The following GART variants were observed in gnomAD, a reference collection of about 807,000 sequenced individuals.
GART encodes the protein phosphoribosylglycinamide formyltransferase, phosphoribosylglycinamide synthetase, phosphoribosylaminoimidazole synthetase, also known as trifunctional purine biosynthetic protein adenosine-3.
Under a neutral mutation model 107.2 loss-of-function variants are expected in GART, and 43 were observed. That is an observed-to-expected ratio of 0.40 (90% confidence interval 0.31 to 0.52). The LOEUF is 0.52. Ranked by LOEUF, GART falls within the 20% of genes least tolerant of loss-of-function variation. The pLI is 0.52. For missense variants in GART, 1,107 were observed against 1,206.5 expected (o/e 0.92, Z 1.22); for synonymous variants, 434 against 427.0 (o/e 1.02, Z -0.20).
intron 16 of GART, among the ~76,000 whole-genome samples, chr21:33,514,724 C>T (rs1170532118): frequency 2.0e-5 from 3 of 152,202 alleles, no homozygotes; most frequent in Non-Finnish European, 2.9e-5. Flanking sequence ...TCTTGAACCA[C>T]TAGTTTCACC....
At chr21:33,527,929 A>AT (rs1242969068) in intron 10 of GART, among the ~76,000 whole-genome samples, 1 of 152,122 alleles carries the variant, frequency 6.6e-6, no homozygotes, top group Non-Finnish European at 1.5e-5. Context: ...CACTCGGGAG[A>AT]TGTGGTTCTG....
At chr21:33,538,587 A>T (rs1296258283) in intron 2 of GART, among the ~76,000 whole-genome samples, 1 of 152,248 alleles carries the variant, frequency 6.6e-6, no homozygotes, top group Non-Finnish European at 1.5e-5. Flanking sequence ...ATACACAACA[A>T]AATGCCTTTA....
chr21:33,512,303 A>G (rs2084799327), intron 16 of GART, among the ~76,000 whole-genome samples: 1 of 151,054 alleles, frequency 6.6e-6, no homozygotes, highest in Non-Finnish European at 1.5e-5. Context: ...AAAAAAAAAA[A>G]AAAAAAAAGA....
chr21:33,542,030 C>A (rs2033940844), intron 1 of GART, 35 bp downstream of exon 1: 1 of 152,248 alleles, frequency 6.6e-6, no homozygotes, highest in South Asian at 2.1e-4. Context: ...AAAGCCTAAG[C>A]GCGCTCCGTG....
Position 33,528,508 on chromosome 21 carries a change from T to G in GART, c.897+11A>C. Reference sequence around the variant, plus strand: ...TCTTCTACCAAGTAATACTTTGATATTTTTACCCACTTGGCACTCTGGATC... The same window carrying G: ...TCTTCTACCAAGTAATACTTTGATAGTTTTACCCACTTGGCACTCTGGATC... On this transcript the variant is annotated intron_variant, in intron 9 of 21. Transcript: ENST00000381815. The G allele has an allele frequency of 6.3e-7, 1 of 1,591,226 alleles. No individual in the cohort carries two copies. Among genetic ancestry groups the G allele is most frequent in the Non-Finnish European group, 8.5e-7 (1 of 1,169,828 alleles).
intron 3 of GART, 49 bp from the exon 4 acceptor site, chr21:33,534,802 C>G: frequency 6.7e-7 from 1 of 1,482,700 alleles, no homozygotes. Context: ...TCCCCAGGGG[C>G]TTTTCAGCCT....
Position 33,504,263 on chromosome 21 carries a change from C to A in GART, c.2894G>T (p.Arg965Met). 6.2e-7 allele frequency: 1 copy of A among 1,614,208 alleles called. No individual in the cohort carries two copies. Among genetic ancestry groups the A allele is most frequent in the Non-Finnish European group, 8.5e-7 (1 of 1,180,034 alleles). ...AGAAAGAGTTGCGACAGTATCACCC[C>A]TCTTCACGGGAACAGCTTCTTGCAA... is the stretch of plus-strand genomic sequence containing the variant. ...IILQEAVPVK[R>M]GDTVATLSER... is the part of the protein sequence containing the mutation. Residue 965 changes from arginine to methionine, a missense_variant, in exon 22 of 22, where the codon AGG becomes ATG. Transcript: ENST00000381815.
At chr21:33,505,854 C>G in intron 19 of GART, 120 bp downstream of exon 19, 1 of 1,451,086 alleles carries the variant, frequency 6.9e-7, no homozygotes, top group Non-Finnish European at 9.4e-7. Context: ...GAAGGCAAGC[C>G]CAGCACCCAC....
Position 33,519,134 on chromosome 21 carries a change from T to G in GART, c.1702+1230A>C, listed in dbSNP as rs2084926265. On this transcript the variant is annotated intron_variant, in intron 14 of 21. Transcript: ENST00000381815. ...GGTTGTTTCTTTCATCTTGTCAGCG[T>G]GGAAAAGGGTCATGTGGAGGACTAG... 2.9e-5 allele frequency: 8 copies of G among 277,706 alleles called. No homozygotes were observed. In the South Asian group the frequency reaches 3.0e-4, roughly 10 times the overall value. 17.2% of individuals were successfully genotyped at this position (277,706 alleles called of 1,614,324 possible). A position where few individuals can be genotyped will look rare whatever the true frequency, so the allele number is the denominator to read the frequency against.
upstream of GART, chr21:33,542,825 T>C: frequency 1.8e-6 from 1 of 545,406 alleles, no homozygotes; most frequent in Non-Finnish European, 3.3e-6. Flanking sequence ...ACGGCTCCTG[T>C]AATGGCGCCT....
intron 17 of GART, chr21:33,510,257 G>A (rs2084761210): frequency 5.3e-6 from 1 of 188,860 alleles, no homozygotes; most frequent in South Asian, 1.4e-4. Context: ...TGATCTCCTG[G>A]TCTCGGGGAT....
intron 18 of GART, 25 bp from the exon 19 acceptor site, chr21:33,506,129 G>A: frequency 1.2e-6 from 2 of 1,605,990 alleles, no homozygotes; most frequent in Non-Finnish European, 1.7e-6. Context: ...AAACAGCAGT[G>A]AGCTCATACT....
chr21:33,505,244 T>C (rs1000483573), intron 20 of GART, among the ~76,000 whole-genome samples: 1 of 152,196 alleles, frequency 6.6e-6, no homozygotes, highest in Non-Finnish European at 1.5e-5. Flanking sequence ...CTTCTGAATA[T>C]TTATTCAAAA....
chr21:33,519,770 G>A (rs1001071730), intron 14 of GART, among the ~76,000 whole-genome samples: 2 of 151,782 alleles, frequency 1.3e-5, no homozygotes, highest in African/African-American at 4.8e-5. Flanking sequence ...CAAGGCTGCA[G>A]TGAGCTGTGA....
intron 11 of GART, among the ~76,000 whole-genome samples, chr21:33,523,197 A>G (rs1005975798): frequency 1.3e-5 from 2 of 152,226 alleles, no homozygotes; most frequent in African/African-American, 4.8e-5. Context: ...ATACATGAAG[A>G]AATATGTGTT....
chr21:33,521,267 A>C (rs536118255), intron 12 of GART, among the ~76,000 whole-genome samples: 274 of 152,306 alleles, frequency 1.8e-3, no homozygotes, highest in Middle Eastern at 6.8e-3. Flanking sequence ...CTTGTTCATA[A>C]GAATGGCTGA....
At chr21:33,531,193 T>C (rs1360685223) in intron 6 of GART, 1 of 400,908 alleles carries the variant, frequency 2.5e-6, no homozygotes, top group African/African-American at 2.1e-5. Flanking sequence ...AAGGTGACTT[T>C]ATTTATTGTG....
intron 10 of GART, 51 bp downstream of exon 10, chr21:33,528,116 G>A: frequency 6.4e-7 from 1 of 1,563,518 alleles, no homozygotes; most frequent in Non-Finnish European, 8.8e-7. Flanking sequence ...GTCTGCTGTG[G>A]TGCTGGCACT....
chr21:33,528,478 A>T, intron 9 of GART, 41 bp downstream of exon 9: 1 of 1,553,088 alleles, frequency 6.4e-7, no homozygotes, highest in Non-Finnish European at 8.8e-7. Flanking sequence ...TTAAAATACC[A>T]CATATCTTCT....
Sources: allele counts gnomAD v4.1 joint callset (sites outside exome capture counted in the v4.1 genomes callset), GRCh38; gene constraint gnomAD v4.1.1; transcripts MANE v1.5; gene names NCBI Gene and HGNC (gene_info 2026-07-23, HGNC 2026-07-21).